Variants in CNBD1 observed in about 807,000 individuals in gnomAD.
CNBD1 encodes the protein cyclic nucleotide-binding domain-containing protein 1.
CNBD1 carries 71 observed loss-of-function variants against 54.4 expected under a neutral mutation model. That is an observed-to-expected ratio of 1.30 (90% CI 1.08 to 1.59). The LOEUF (loss-of-function observed/expected upper bound fraction) is 1.59, where lower values mean the gene tolerates loss of function less well. CNBD1 is among the 40% of genes most tolerant of loss of function. The pLI is 0.00. For synonymous variants in CNBD1, 182 were observed against 170.7 expected, an observed-to-expected ratio of 1.07 and a Z score of -0.51; for missense variants, 659 against 518.0, an observed-to-expected ratio of 1.27 and a Z score of -2.64.
intron 2 of CNBD1, among the ~76,000 whole-genome samples, chr8:87,424,517 C>T (rs1808008125): frequency 6.6e-6 from 1 of 152,214 alleles, no homozygotes; most frequent in Non-Finnish European, 1.5e-5. Flanking sequence ...TTATTTCTGC[C>T]TTCATTTCGT....
chr8:87,173,350 T>A (rs1387322608), intron 4 of CNBD1, among the ~76,000 whole-genome samples: 1 of 152,188 alleles, frequency 6.6e-6, no homozygotes, highest in African/African-American at 2.4e-5. Context: ...ATTCTGTGTT[T>A]TTCTGTGTAC....
chr8:87,024,626 G>A (rs974615649), intron 4 of CNBD1, among the ~76,000 whole-genome samples: 2 of 152,102 alleles, frequency 1.3e-5, no homozygotes, highest in East Asian at 3.9e-4. Flanking sequence ...ATAGGCATGA[G>A]CCACCACACC....
intron 3 of CNBD1, among the ~76,000 whole-genome samples, chr8:86,913,433 TAG>T (rs1245072927): frequency 6.6e-6 from 1 of 152,128 alleles, no homozygotes; most frequent in Non-Finnish European, 1.5e-5. Context: ...TTATTTCACA[TAG>T]GTTATTTTCT....
At chr8:87,305,506 T>C (rs928996465) in intron 8 of CNBD1, among the ~76,000 whole-genome samples, 4 of 152,240 alleles carry the variant, frequency 2.6e-5, no homozygotes, top group South Asian at 2.1e-4. Flanking sequence ...TTTCAAACTA[T>C]ACTATAAGGC....
intron 8 of CNBD1, among the ~76,000 whole-genome samples, chr8:87,319,057 G>T (rs1809462972): frequency 6.6e-6 from 1 of 152,030 alleles, no homozygotes; most frequent in Non-Finnish European, 1.5e-5. Flanking sequence ...CAACATAATG[G>T]TGTGTGTTTA....
At chr8:86,882,689 T>C (rs149645190) in intron 1 of CNBD1, among the ~76,000 whole-genome samples, 170 of 152,208 alleles carry the variant, frequency 1.1e-3, no homozygotes, top group African/African-American at 3.9e-3. Flanking sequence ...CAAATGAATA[T>C]AAATCATTGT....
intron 3 of CNBD1, among the ~76,000 whole-genome samples, chr8:86,914,576 C>G (rs1469736676): frequency 6.6e-6 from 1 of 152,022 alleles, no homozygotes; most frequent in African/African-American, 2.4e-5. Flanking sequence ...TGACTGTATT[C>G]AGATTACTCA....
intron 4 of CNBD1, among the ~76,000 whole-genome samples, chr8:86,960,352 A>G (rs1192276190): frequency 3.3e-5 from 5 of 152,184 alleles, no homozygotes; most frequent in Non-Finnish European, 7.3e-5. Flanking sequence ...CTCCTGGCTC[A>G]GAGGGTCCCA....
chr8:87,204,830 TATC>T (rs1467618224), intron 4 of CNBD1, among the ~76,000 whole-genome samples: 6 of 152,194 alleles, frequency 3.9e-5, no homozygotes, highest in Non-Finnish European at 5.9e-5. Context: ...TTGGTTATGA[TATC>T]ATGCCATTTC....
intron 6 of CNBD1, among the ~76,000 whole-genome samples, chr8:87,259,023 A>G (rs927491731): frequency 7.9e-5 from 12 of 152,196 alleles, no homozygotes; most frequent in African/African-American, 2.7e-4. Context: ...ATCTCTTACC[A>G]AAACACATTT....
chr8:87,198,866 T>C (rs1029694036), intron 4 of CNBD1, among the ~76,000 whole-genome samples: 1 of 152,204 alleles, frequency 6.6e-6, no homozygotes, highest in African/African-American at 2.4e-5. Context: ...AGGGGTTTAA[T>C]TGGCTCACAG....
chr8:86,966,415 A>G (rs1403318717), intron 4 of CNBD1, among the ~76,000 whole-genome samples: 1 of 152,224 alleles, frequency 6.6e-6, no homozygotes, highest in Non-Finnish European at 1.5e-5. Context: ...GGTGAGTGTT[A>G]CAGTTCTTAA....
At chr8:87,386,681 C>T (rs1811196857), downstream of CNBD1, among the ~76,000 whole-genome samples, 1 of 152,244 alleles carries the variant, frequency 6.6e-6, no homozygotes, top group South Asian at 2.1e-4. Context: ...GGAAAACACT[C>T]TGCAGGATAT....
At chr8:86,962,811 A>G (rs1330163704) in intron 4 of CNBD1, among the ~76,000 whole-genome samples, 3 of 151,990 alleles carry the variant, frequency 2.0e-5, no homozygotes, top group Non-Finnish European at 2.9e-5. Context: ...AACAAAAAAC[A>G]AAACAGAAGC....
chr8:86,894,210 C>T (rs970003485), intron 2 of CNBD1, among the ~76,000 whole-genome samples: 32 of 148,438 alleles, frequency 2.2e-4, no homozygotes, highest in African/African-American at 6.4e-4. Context: ...TACAGGCGCC[C>T]GCCACCGCGC....
At chr8:87,419,954 T>C (rs1586091507) in intron 2 of CNBD1, among the ~76,000 whole-genome samples, 1 of 148,290 alleles carries the variant, frequency 6.7e-6, no homozygotes, top group African/African-American at 2.5e-5. Context: ...AAAATATATA[T>C]TATATATATA....
At chr8:87,150,730 C>T (rs1812586210) in intron 4 of CNBD1, among the ~76,000 whole-genome samples, 1 of 151,968 alleles carries the variant, frequency 6.6e-6, no homozygotes, top group Non-Finnish European at 1.5e-5. Flanking sequence ...TGTGATTAGC[C>T]CATTTGTGTT....
rs114732930 is a variant in CNBD1 at position 87,363,143 on chromosome 8, G to A, written c.1303+9357G>A. On this transcript the variant is annotated intron_variant, in intron 10 of 10. Coordinates refer to ENST00000518476, the MANE Select transcript of CNBD1 (RefSeq NM_173538.3). ...GTTGTGTTAGTTTGCTGAAAATGAT[G>A]GTTTCCAGAGTTATCCATGTCCCTG... is the stretch of plus-strand genomic sequence containing the variant. Among the ~76,000 whole-genome samples, 1,093 of 152,080 alleles carry A rather than the reference G, an allele frequency of 7.2e-3. 12 individuals are homozygous for A. Among genetic ancestry groups the A allele is most frequent in the African/African-American group, 0.025 (1,031 of 41,498 alleles).
At position 87,188,740 on chromosome 8, in the gene CNBD1, C is replaced by A. The variant is rs1431760; in HGVS notation, c.432-17253C>A. 1.1e-3 allele frequency among the ~76,000 whole-genome samples: 155 copies of A among 144,022 alleles called. 4 individuals are homozygous for A. In the South Asian group the frequency reaches 0.032, roughly 29 times the overall value. 94.5% of individuals were successfully genotyped at this position (144,022 alleles called of 152,430 possible). A position where few individuals can be genotyped will look rare whatever the true frequency, so the allele number is the denominator to read the frequency against. The stretch of plus-strand genomic sequence containing the variant: ...CACTCCAGCCTGGGCAACAGAGAGA[C>A]TCCATCTCAAAAAAAAAAAAAAATA... On this transcript the variant is annotated intron_variant, in intron 4 of 10. Transcript: ENST00000518476.
Sources: gnomAD v4.1 joint callset for allele counts (sites outside exome capture counted in the v4.1 genomes callset) on GRCh38, gnomAD v4.1.1 for gene constraint, MANE v1.5 for transcripts, NCBI Gene and HGNC (gene_info 2026-07-23, HGNC 2026-07-21) for gene names.